The following EXOC6B variants were observed in gnomAD, a reference collection of about 807,000 sequenced individuals.
The protein encoded by EXOC6B is exocyst complex component 6B, also known as SEC15 homolog B.
EXOC6B carries 54 observed loss-of-function variants against 113.5 expected under a neutral mutation model. The observed-to-expected ratio is 0.48, with a 90% CI of 0.38 to 0.60. The LOEUF is 0.60. EXOC6B is among the 20% of genes least tolerant of loss of function. The probability of loss-of-function intolerance (pLI) is 0.00; values close to 1 mark genes in which losing one functional copy is unlikely to be tolerated. For synonymous variants in EXOC6B, 357 were observed against 339.0 expected (o/e 1.05, Z -0.58); for missense variants, 797 against 977.5 (o/e 0.82, Z 2.46).
chr2:72,680,056 T>A (rs1676591301), intron 6 of EXOC6B, among the ~76,000 whole-genome samples: 1 of 152,198 alleles, frequency 6.6e-6, no homozygotes, highest in Admixed American at 6.5e-5. Context: ...ATCTCTATAA[T>A]GAATTCTAAA....
intron 17 of EXOC6B, among the ~76,000 whole-genome samples, chr2:72,471,186 G>T (rs993608498): frequency 3.9e-5 from 6 of 152,132 alleles, no homozygotes; most frequent in African/African-American, 1.4e-4. Context: ...GTATCTCATT[G>T]TGGTTTTGAT....
chr2:72,357,187 G>T (rs1012440214), intron 19 of EXOC6B, among the ~76,000 whole-genome samples: 2 of 152,094 alleles, frequency 1.3e-5, no homozygotes, highest in Non-Finnish European at 2.9e-5. Flanking sequence ...TTGAGAGACA[G>T]ACACCATATT....
intron 6 of EXOC6B, among the ~76,000 whole-genome samples, chr2:72,713,978 T>G (rs977151936): frequency 6.6e-6 from 1 of 152,158 alleles, no homozygotes; most frequent in African/African-American, 2.4e-5. Flanking sequence ...AAGTGAGATG[T>G]GCCACTTATA....
intron 20 of EXOC6B, among the ~76,000 whole-genome samples, chr2:72,242,578 G>A (rs1335121982): frequency 6.6e-6 from 1 of 152,030 alleles, no homozygotes; most frequent in Non-Finnish European, 1.5e-5. Context: ...AAGGAACCAA[G>A]AACAAGGCAA....
chr2:72,804,109 A>G (rs1474505172), intron 1 of EXOC6B, among the ~76,000 whole-genome samples: 1 of 152,218 alleles, frequency 6.6e-6, no homozygotes, highest in Non-Finnish European at 1.5e-5. Flanking sequence ...GTTCAGGCAG[A>G]CAAAGAATAG....
At chr2:72,446,988 C>T (rs1203705753) in intron 18 of EXOC6B, among the ~76,000 whole-genome samples, 1 of 151,806 alleles carries the variant, frequency 6.6e-6, no homozygotes, top group African/African-American at 2.4e-5. Flanking sequence ...TCTGTAATCC[C>T]AGCTACTCAG....
chr2:72,284,033 G>T (rs1274645574), intron 20 of EXOC6B, among the ~76,000 whole-genome samples: 2 of 151,970 alleles, frequency 1.3e-5, no homozygotes, highest in African/African-American at 2.4e-5. Flanking sequence ...TGGGTTCACT[G>T]GTGAATTCTA....
chr2:72,466,404 T>A (rs1203894466), intron 17 of EXOC6B, among the ~76,000 whole-genome samples: 3 of 150,532 alleles, frequency 2.0e-5, no homozygotes, highest in Non-Finnish European at 4.4e-5. Flanking sequence ...TTGAGACTCA[T>A]CATATTTACC....
Position 72,465,242 on chromosome 2 carries a change from T to C in EXOC6B, c.1898A>G (p.Asp633Gly), listed in dbSNP as rs200863408. Reference sequence around the variant, plus strand: ...GTAATCACTAGCTTTGTTGCCCAAATCTCCGGTCATCCAGTCATAGTCTGC... The same window carrying C: ...GTAATCACTAGCTTTGTTGCCCAAACCTCCGGTCATCCAGTCATAGTCTGC... ...QLADYDWMTG[D>G]LGNKASDYLV... The change falls in exon 18 of 22, where the codon GAT becomes GGT. Residue 633 changes from aspartate (D) to glycine (G), a missense_variant. Physicochemically the swap from Asp to Gly is moderately conservative, Grantham distance 94. Coordinates refer to ENST00000272427, the MANE Select transcript of EXOC6B (RefSeq NM_015189.3). 42 of 1,611,082 alleles carry C rather than the reference T, an allele frequency of 2.6e-5. No individual in the cohort carries two copies. In the Admixed American group the frequency reaches 6.7e-4, roughly 26 times the overall value.
chr2:72,609,165 T>G (rs887011150), intron 6 of EXOC6B, among the ~76,000 whole-genome samples: 1 of 152,090 alleles, frequency 6.6e-6, no homozygotes, highest in Admixed American at 6.6e-5. Flanking sequence ...CAATACCCTG[T>G]TGGAAGAGCA....
chr2:72,724,252 C>A (rs12996406), intron 5 of EXOC6B, among the ~76,000 whole-genome samples: 134,521 of 152,196 alleles, frequency 0.88, 59,490 homozygotes, highest in East Asian at 0.99. Context: ...TGAACACTTC[C>A]ACAATCTCAG....
chr2:72,460,129 G>T (rs1245497999), intron 18 of EXOC6B, among the ~76,000 whole-genome samples: 2 of 152,038 alleles, frequency 1.3e-5, no homozygotes, highest in Non-Finnish European at 2.9e-5. Flanking sequence ...TTAATAAATG[G>T]TGTTGGGAAA....
At chr2:72,690,624 TA>T (rs1270687442) in intron 6 of EXOC6B, among the ~76,000 whole-genome samples, 4 of 152,224 alleles carry the variant, frequency 2.6e-5, no homozygotes, top group Non-Finnish European at 4.4e-5. Context: ...AACAACTTTT[TA>T]TTTACAGTAC....
At chr2:72,629,792 T>A (rs571800825) in intron 6 of EXOC6B, among the ~76,000 whole-genome samples, 1 of 152,340 alleles carries the variant, frequency 6.6e-6, no homozygotes, top group Non-Finnish European at 1.5e-5. Context: ...ACCTTCCAAT[T>A]TGTAAATGCA....
chr2:72,593,316 C>A (rs192024564), intron 6 of EXOC6B, among the ~76,000 whole-genome samples: 2 of 152,126 alleles, frequency 1.3e-5, no homozygotes, highest in African/African-American at 4.8e-5. Context: ...CATCAGAACC[C>A]CCAATTTGTA....
chr2:72,778,370 G>GC (rs1339620353), intron 1 of EXOC6B, among the ~76,000 whole-genome samples: 2 of 152,006 alleles, frequency 1.3e-5, no homozygotes, highest in African/African-American at 4.8e-5. Flanking sequence ...AACAAAACAA[G>GC]CTTCAAGACA....
chr2:72,524,277 T>C (rs898578173), intron 8 of EXOC6B, among the ~76,000 whole-genome samples: 2 of 152,154 alleles, frequency 1.3e-5, no homozygotes, highest in Non-Finnish European at 2.9e-5. Context: ...ATGGCTAATT[T>C]GCACAGCAGG....
intron 17 of EXOC6B, among the ~76,000 whole-genome samples, chr2:72,469,379 T>G (rs1698259683): frequency 6.6e-6 from 1 of 152,088 alleles, no homozygotes; most frequent in Non-Finnish European, 1.5e-5. Flanking sequence ...TTTCCTACGG[T>G]GTAAGTATAG....
chr2:72,208,911 G>T (rs1174460083), intron 20 of EXOC6B, among the ~76,000 whole-genome samples: 2 of 152,088 alleles, frequency 1.3e-5, no homozygotes, highest in Non-Finnish European at 1.5e-5. Flanking sequence ...ATACAATCTT[G>T]TTACCATAAG....
Sources: allele counts gnomAD v4.1 joint callset (sites outside exome capture counted in the v4.1 genomes callset), GRCh38; gene constraint gnomAD v4.1.1; transcripts MANE v1.5; gene names NCBI Gene and HGNC (gene_info 2026-07-23, HGNC 2026-07-21).